The following CCDC138 variants were observed in gnomAD, a reference collection of about 807,000 sequenced individuals.
CCDC138 encodes the protein coiled-coil domain containing 138, also known as coiled-coil domain-containing protein 138.
Under a neutral mutation model 82.3 loss-of-function variants are expected in CCDC138, and 66 were observed. The ratio of observed to expected loss-of-function variants is 0.80; its 90% CI spans 0.66 to 0.98. CCDC138 has a LOEUF of 0.98. Ranked by LOEUF, CCDC138 falls within the 50% of genes least tolerant of loss-of-function variation. The pLI is 0.00. For missense variants in CCDC138, 816 were observed against 758.9 expected, an observed-to-expected ratio of 1.08 and a Z score of -0.88; for synonymous variants, 297 against 265.4, an observed-to-expected ratio of 1.12 and a Z score of -1.16.
chr2:108,796,733 A>G (rs1680975885), intron 5 of CCDC138, among the ~76,000 whole-genome samples: 1 of 152,184 alleles, frequency 6.6e-6, no homozygotes, highest in South Asian at 2.1e-4. Flanking sequence ...AAGGACAGAC[A>G]TTGCATGTTC....
intron 10 of CCDC138, among the ~76,000 whole-genome samples, chr2:108,823,870 G>A (rs1483066138): frequency 2.6e-5 from 4 of 152,070 alleles, no homozygotes; most frequent in Admixed American, 2.0e-4. Context: ...CCAGCTACTC[G>A]GGATGCTGAG....
In CCDC138 at chr2:108,856,848, A is replaced by G. The variant is rs765256622; in HGVS notation, c.1571A>G (p.Glu524Gly). ...DSLCLDLKTE[E>G]GKTLFLEYQA... ...CTTTGTTTGGACTTGAAGACAGAAG[A>G]AGGAAAAACCTTGTTTTTGGAGTAT... Residue 524 changes from glutamate (E) to glycine (G), a missense_variant, in exon 13 of 15, where the codon GAA becomes GGA. Glu to Gly is a moderately conservative substitution (Grantham distance 98). Coordinates refer to ENST00000295124, the MANE Select transcript of CCDC138 (RefSeq NM_144978.3). 6 of 1,613,528 alleles carry G rather than the reference A, an allele frequency of 3.7e-6. No homozygotes were observed. The East Asian group carries it at 1.3e-4, about 36-fold the overall frequency.
intron 1 of CCDC138, among the ~76,000 whole-genome samples, chr2:108,787,379 A>T (rs528072591): frequency 6.6e-6 from 1 of 152,226 alleles, no homozygotes; most frequent in South Asian, 2.1e-4. Context: ...CCTCCCTACA[A>T]ACGCATTTTT....
At chr2:108,788,671 G>T (rs1679366031) in intron 2 of CCDC138, 181 bp from the exon 3 acceptor site, 13 of 363,940 alleles carry the variant, frequency 3.6e-5, no homozygotes, top group Non-Finnish European at 5.0e-5. Context: ...AGTGAGCCGA[G>T]ATTGCGCCAC....
In CCDC138 at chr2:108,811,247, C is replaced by CTCTTTTTTTTTTTTTTT. The variant is rs760937756; in HGVS notation, c.856-1383_856-1382insCTTTTTTTTTTTTTTTT. ...CTCCCTTTTCTTTCTTTCTCTCTCT[C>CTCTTTTTTTTTTTTTTT]TTTTTTTTTTTTTTTGACTGTCTCC... On this transcript the variant is annotated intron_variant, in intron 7 of 14. Transcript: ENST00000295124. 1.2e-3 allele frequency among the ~76,000 whole-genome samples: 132 copies of CTCTTTTTTTTTTTTTTT among 113,850 alleles called. 2 individuals carry two copies. The highest frequency in any genetic ancestry group is 4.9e-3 in the Middle Eastern group (1 of 204). The allele number at this position is 113,850 out of a possible 152,430, so 74.7% of individuals were successfully genotyped here.
In CCDC138 at chr2:108,788,105, G is replaced by A; in HGVS notation, c.151+16G>A. On this transcript the variant is annotated intron_variant, in intron 2 of 14. Coordinates refer to ENST00000295124, the MANE Select transcript of CCDC138 (RefSeq NM_144978.3). ...ACCTCCCCAGGTAAGCCGGTATTTT[G>A]TATATTTGGGGGTTTCAAAAATTTA... 1.2e-6 allele frequency: 2 copies of A among 1,600,742 alleles called. No homozygotes were observed. The highest frequency in any genetic ancestry group is 1.1e-5 in the South Asian group (1 of 89,076).
chr2:108,837,976 G>A (rs1688848741), intron 10 of CCDC138, among the ~76,000 whole-genome samples: 1 of 151,776 alleles, frequency 6.6e-6, no homozygotes, highest in South Asian at 2.1e-4. Context: ...GAAGACAGGA[G>A]TCAAGGGGAA....
chr2:108,818,443 G>T (rs1185196138), intron 10 of CCDC138, among the ~76,000 whole-genome samples: 2 of 152,160 alleles, frequency 1.3e-5, no homozygotes, highest in Non-Finnish European at 2.9e-5. Flanking sequence ...CTGTTGACAT[G>T]TTCAGGATTT....
At chr2:108,877,583 G>A (rs1026494397), downstream of CCDC138, among the ~76,000 whole-genome samples, 8 of 118,662 alleles carry the variant, frequency 6.7e-5, no homozygotes, top group South Asian at 6.2e-4. Context: ...AAGGTGTCTC[G>A]GAACTCAGAG....
chr2:108,834,099 AG>A (rs1163588427), intron 10 of CCDC138, among the ~76,000 whole-genome samples: 1 of 151,330 alleles, frequency 6.6e-6, no homozygotes. Flanking sequence ...CTAGAATTTG[AG>A]GGTATCATTT....
At chr2:108,855,487 TA>T (rs377641921) in intron 12 of CCDC138, among the ~76,000 whole-genome samples, 438 of 137,056 alleles carry the variant, frequency 3.2e-3, no homozygotes, top group Middle Eastern at 7.4e-3. Context: ...GTGGTGTTGC[TA>T]AAAAAAAAAA....
At chr2:108,792,409 T>G (rs1428735876) in intron 4 of CCDC138, among the ~76,000 whole-genome samples, 1 of 152,246 alleles carries the variant, frequency 6.6e-6, no homozygotes, top group Non-Finnish European at 1.5e-5. Flanking sequence ...TGGTCGATTT[T>G]CCCAGTGGAA....
chr2:108,879,855 C>G (rs1448827316), downstream of CCDC138, among the ~76,000 whole-genome samples: 1 of 152,224 alleles, frequency 6.6e-6, no homozygotes. Flanking sequence ...TTTACCTCCT[C>G]TCTTCCAACC....
chr2:108,852,408 C>T (rs879857272), intron 12 of CCDC138, among the ~76,000 whole-genome samples: 2 of 152,206 alleles, frequency 1.3e-5, no homozygotes, highest in Admixed American at 1.3e-4. Flanking sequence ...GGGTATATAC[C>T]CAAACTAATA....
At chr2:108,865,218 T>C (rs1018859927) in intron 13 of CCDC138, among the ~76,000 whole-genome samples, 4 of 152,168 alleles carry the variant, frequency 2.6e-5, no homozygotes, top group African/African-American at 9.7e-5. Flanking sequence ...TCAATTAAAA[T>C]TCATTCATTT....
intron 5 of CCDC138, among the ~76,000 whole-genome samples, chr2:108,795,424 T>C (rs747254259): frequency 2.0e-5 from 3 of 152,152 alleles, no homozygotes; most frequent in Non-Finnish European, 4.4e-5. Context: ...CCCAAAGTGC[T>C]GGGATTACAG....
intron 10 of CCDC138, among the ~76,000 whole-genome samples, chr2:108,831,099 C>T (rs1687509937): frequency 2.0e-5 from 3 of 151,944 alleles, no homozygotes; most frequent in Admixed American, 6.5e-5. Flanking sequence ...CGCTTAAACC[C>T]CGGAGGCAGA....
intron 1 of CCDC138, among the ~76,000 whole-genome samples, chr2:108,787,534 A>ATAT (rs1679087159): frequency 6.6e-6 from 1 of 152,210 alleles, no homozygotes; most frequent in Non-Finnish European, 1.5e-5. Context: ...AATTGGTATA[A>ATAT]TATTTGGTAA....
chr2:108,869,439 G>A (rs1574311622), intron 13 of CCDC138, among the ~76,000 whole-genome samples: 1 of 152,184 alleles, frequency 6.6e-6, no homozygotes, highest in Non-Finnish European at 1.5e-5. Flanking sequence ...CCAAGAGACT[G>A]GTTTCAGACT....
Sources: gnomAD v4.1 joint callset for allele counts (sites outside exome capture counted in the v4.1 genomes callset) on GRCh38, gnomAD v4.1.1 for gene constraint, MANE v1.5 for transcripts, NCBI Gene and HGNC (gene_info 2026-07-23, HGNC 2026-07-21) for gene names.